The following UBR1 variants were observed in gnomAD, a reference collection of about 807,000 sequenced individuals.
UBR1 encodes E3 ubiquitin-protein ligase UBR1.
In UBR1, 102 loss-of-function variants were observed where a neutral mutation model predicts 242.1. That is an observed-to-expected ratio of 0.42 (90% CI 0.36 to 0.50). UBR1 has a LOEUF of 0.50. UBR1 is among the 20% of genes least tolerant of loss of function. The pLI is 0.01. For synonymous variants in UBR1, 675 were observed against 684.8 expected, an observed-to-expected ratio of 0.99 and a Z score of 0.22; for missense variants, 1,772 against 2,101.8, an observed-to-expected ratio of 0.84 and a Z score of 3.07.
chr15:43,059,236 T>C, intron 8 of UBR1, 44 bp from the exon 9 acceptor site: 1 of 1,566,734 alleles, frequency 6.4e-7, no homozygotes, highest in South Asian at 1.1e-5. Flanking sequence ...TTGTATTCTT[T>C]TTCTTTTTAA....
At chr15:42,948,519 C>T (rs1171345992) in intron 46 of UBR1, among the ~76,000 whole-genome samples, 14 of 152,124 alleles carry the variant, frequency 9.2e-5, no homozygotes, top group Admixed American at 2.0e-4. Flanking sequence ...AGAAAATTTT[C>T]GCAACCTACT....
In UBR1 at chr15:43,032,504, A is replaced by G. The variant is rs189630661; in HGVS notation, c.2254+64T>C. ...GGAGTAAAATGATCAATTATAGTTCATATAAATGGTCTCTCTAAAAAGTAA... is the reference window on the plus strand; with the variant it reads ...GGAGTAAAATGATCAATTATAGTTCGTATAAATGGTCTCTCTAAAAAGTAA... On this transcript the variant is annotated intron_variant, in intron 20 of 46. Transcript: ENST00000290650. The G allele has an allele frequency of 1.6e-5, 18 of 1,117,966 alleles. 1 individual carries two copies. The highest frequency in any genetic ancestry group is 1.5e-4 in the Admixed American group (8 of 54,202). 69.3% of individuals were successfully genotyped at this position (1,117,966 alleles called of 1,614,324 possible).
rs370762181 is a variant in UBR1 at position 43,086,971 on chromosome 15, C to T, written c.82-731G>A. Reference sequence around the variant, plus strand: ...GTAGCGTGTGCCTGTGAATAGGCACCGCACTTCAGCCTCGACAACACATAG... The same window carrying T: ...GTAGCGTGTGCCTGTGAATAGGCACTGCACTTCAGCCTCGACAACACATAG... On this transcript the variant is annotated intron_variant, in intron 1 of 46. Transcript: ENST00000290650. Among the ~76,000 whole-genome samples the T allele has an allele frequency of 3.9e-5, 6 of 152,130 alleles. No homozygotes were observed. The East Asian group carries it at 1.2e-3, about 29-fold the overall frequency.
chr15:43,054,714 C>T (rs1385674764), intron 12 of UBR1, 28 bp downstream of exon 12: 1 of 1,612,954 alleles, frequency 6.2e-7, no homozygotes, highest in East Asian at 2.2e-5. Context: ...TTAACAGGTG[C>T]CCTCACCTTT....
chr15:43,087,687 G>T (rs1399372865), intron 1 of UBR1, among the ~76,000 whole-genome samples: 1 of 152,046 alleles, frequency 6.6e-6, no homozygotes, highest in Non-Finnish European at 1.5e-5. Context: ...CATATATTTT[G>T]ACCCAGAAAT....
At chr15:43,025,679 A>G in intron 23 of UBR1, 5 of 471,016 alleles carry the variant, frequency 1.1e-5, no homozygotes, top group African/African-American at 1.9e-5. Context: ...CCCAGTACCT[A>G]TTATGCACAG....
intron 37 of UBR1, among the ~76,000 whole-genome samples, chr15:42,983,575 G>A (rs2032410653): frequency 6.6e-6 from 1 of 151,338 alleles, no homozygotes; most frequent in Admixed American, 6.6e-5. Context: ...TGAGAAAGCA[G>A]AATCACTTGA....
chr15:42,949,118 T>C (rs2031785412), intron 46 of UBR1, among the ~76,000 whole-genome samples: 1 of 152,044 alleles, frequency 6.6e-6, no homozygotes, highest in South Asian at 2.1e-4. Context: ...GATGAGTTCA[T>C]GTCCTTTGTA....
chr15:43,105,822 A>C (rs2034289622), intron 1 of UBR1, 120 bp downstream of exon 1: 18 of 956,774 alleles, frequency 1.9e-5, no homozygotes, highest in Non-Finnish European at 2.6e-5. Flanking sequence ...TTCCTTCCAG[A>C]TCAATCCAGA....
chr15:43,041,431 C>T (rs561776925), intron 15 of UBR1, among the ~76,000 whole-genome samples: 12 of 151,944 alleles, frequency 7.9e-5, no homozygotes, highest in East Asian at 3.9e-4. Context: ...CATCACACAC[C>T]GGGGCCTGTC....
In UBR1 at chr15:42,984,738, T is replaced by C. The variant is rs74570754; in HGVS notation, c.4053+149A>G. ...AGTGCACATGCTATTCAGTTTCCTA[T>C]AAGACTGATGCAGTTCCTTTTTTCC... On this transcript the variant is annotated intron_variant, in intron 36 of 46. Transcript: ENST00000290650. 2.0e-3 allele frequency: 1,401 copies of C among 712,460 alleles called. 18 individuals carry two copies. In the African/African-American group the frequency reaches 0.022, roughly 11 times the overall value. 44.1% of individuals were successfully genotyped at this position (712,460 alleles called of 1,614,324 possible).
At chr15:42,991,311 C>T (rs550351651) in intron 33 of UBR1, among the ~76,000 whole-genome samples, 31 of 152,092 alleles carry the variant, frequency 2.0e-4, no homozygotes, top group Admixed American at 1.8e-3. Flanking sequence ...TATGTTTTGC[C>T]GGTTGGCTTC....
At chr15:43,015,957 G>T in intron 28 of UBR1, 88 bp from the exon 29 acceptor site, 10 of 1,269,282 alleles carry the variant, frequency 7.9e-6, no homozygotes, top group Non-Finnish European at 1.1e-5. Context: ...CTTAGAATAA[G>T]ATTCTGAAAC....
chr15:43,038,333 G>A, intron 15 of UBR1, 101 bp from the exon 16 acceptor site: 2 of 1,181,072 alleles, frequency 1.7e-6, no homozygotes, highest in East Asian at 2.4e-5. Context: ...ATTTGGCTGG[G>A]CGCGGTGGCT....
intron 44 of UBR1, among the ~76,000 whole-genome samples, chr15:42,957,781 G>T (rs1173481731): frequency 2.0e-5 from 3 of 151,792 alleles, no homozygotes; most frequent in African/African-American, 7.3e-5. Context: ...AGATTGAGAT[G>T]GGAAGAGCCC....
At chr15:42,986,326 C>A (rs889113687) in intron 35 of UBR1, among the ~76,000 whole-genome samples, 14 of 152,106 alleles carry the variant, frequency 9.2e-5, no homozygotes, top group African/African-American at 3.4e-4. Context: ...CAATAGTGAA[C>A]ACAATATGAT....
At chr15:42,945,702 A>G (rs1339875198) in intron 46 of UBR1, among the ~76,000 whole-genome samples, 1 of 152,220 alleles carries the variant, frequency 6.6e-6, no homozygotes, top group Non-Finnish European at 1.5e-5. Flanking sequence ...TAGGTCAGGT[A>G]TATTATGGCA....
intron 4 of UBR1, among the ~76,000 whole-genome samples, chr15:43,072,777 A>T (rs531745395): frequency 6.6e-6 from 1 of 152,206 alleles, no homozygotes; most frequent in South Asian, 2.1e-4. Context: ...TACTGAGATG[A>T]TAATGTGGTT....
At chr15:43,000,352 AC>A (rs1187400225) in intron 32 of UBR1, among the ~76,000 whole-genome samples, 11 of 152,364 alleles carry the variant, frequency 7.2e-5, no homozygotes, top group Non-Finnish European at 1.6e-4. Flanking sequence ...TTTAGAAAGA[AC>A]TGCTCTGAAG....
Sources: gnomAD v4.1 joint callset for allele counts (sites outside exome capture counted in the v4.1 genomes callset) on GRCh38, gnomAD v4.1.1 for gene constraint, MANE v1.5 for transcripts, NCBI Gene and HGNC (gene_info 2026-07-23, HGNC 2026-07-21) for gene names.